Variants in PXDNL observed in about 807,000 individuals in gnomAD.
PXDNL encodes peroxidasin like.
Under a neutral mutation model 150.8 loss-of-function variants are expected in PXDNL, and 145 were observed. That is an observed-to-expected ratio of 0.96 (90% CI 0.84 to 1.10). The LOEUF is 1.10. PXDNL is among the 50% of genes least tolerant of loss of function. The pLI, the probability that PXDNL is intolerant of heterozygous loss-of-function variation, is 0.00. For missense variants in PXDNL, 2,087 were observed against 1,873.9 expected (o/e 1.11, Z -2.10); for synonymous variants, 757 against 725.7 (o/e 1.04, Z -0.69).
chr8:51,671,974 G>T (rs1284953133), intron 1 of PXDNL, among the ~76,000 whole-genome samples: 1 of 152,076 alleles, frequency 6.6e-6, no homozygotes, highest in Admixed American at 6.5e-5. Flanking sequence ...ATTAACTATT[G>T]CAAGTCAAAA....
intron 12 of PXDNL, among the ~76,000 whole-genome samples, chr8:51,427,614 C>T (rs1370719462): frequency 6.6e-6 from 1 of 152,104 alleles, no homozygotes; most frequent in East Asian, 1.9e-4. Context: ...TAAATGTAAT[C>T]CATCATATTA....
chr8:51,689,083 G>A (rs1416167438), intron 1 of PXDNL, among the ~76,000 whole-genome samples: 1 of 152,198 alleles, frequency 6.6e-6, no homozygotes. Context: ...CACTCCTGGG[G>A]CTGCCTGTAT....
At chr8:51,329,249 C>G (rs80015968) in intron 21 of PXDNL, among the ~76,000 whole-genome samples, 4,796 of 152,258 alleles carry the variant, frequency 0.031, 239 homozygotes, top group African/African-American at 0.11. Flanking sequence ...ACAGTGATTA[C>G]TGCTGAAGCA....
intron 1 of PXDNL, among the ~76,000 whole-genome samples, chr8:51,664,319 T>C (rs771563181): frequency 4.6e-5 from 7 of 152,188 alleles, no homozygotes; most frequent in Non-Finnish European, 8.8e-5. Context: ...TTGCTAACTT[T>C]GTCATTCTGG....
intron 16 of PXDNL, among the ~76,000 whole-genome samples, chr8:51,411,031 C>T: frequency 6.6e-6 from 1 of 152,192 alleles, no homozygotes; most frequent in South Asian, 2.1e-4. Context: ...ATACATATAA[C>T]TTAAAAGTTG....
intron 1 of PXDNL, among the ~76,000 whole-genome samples, chr8:51,661,807 T>TG (rs1815275916): frequency 1.3e-5 from 2 of 151,640 alleles, no homozygotes; most frequent in African/African-American, 2.4e-5. Flanking sequence ...CTGCAGTTAG[T>TG]GTGGGGCAGG....
intron 1 of PXDNL, among the ~76,000 whole-genome samples, chr8:51,702,942 T>G (rs1460567855): frequency 6.6e-6 from 1 of 152,206 alleles, no homozygotes; most frequent in Non-Finnish European, 1.5e-5. Context: ...TCTGAAAACT[T>G]GGGTAGATTC....
intron 2 of PXDNL, among the ~76,000 whole-genome samples, chr8:51,600,604 T>C (rs1813690565): frequency 8.0e-6 from 1 of 124,760 alleles, no homozygotes; most frequent in Non-Finnish European, 1.6e-5. Flanking sequence ...AATTATATCG[T>C]TTAGATAATA....
At chr8:51,558,799 C>A (rs1812650758) in intron 3 of PXDNL, among the ~76,000 whole-genome samples, 1 of 151,984 alleles carries the variant, frequency 6.6e-6, no homozygotes, top group South Asian at 2.1e-4. Flanking sequence ...ATGTTACTAC[C>A]TATATTCAAG....
intron 1 of PXDNL, among the ~76,000 whole-genome samples, chr8:51,687,425 C>T (rs190790546): frequency 4.6e-5 from 7 of 152,250 alleles, no homozygotes; most frequent in African/African-American, 7.2e-5. Context: ...GTATTATATA[C>T]GGTATATAGC....
chr8:51,639,135 G>C (rs963581617), intron 2 of PXDNL, among the ~76,000 whole-genome samples: 2 of 152,154 alleles, frequency 1.3e-5, no homozygotes, highest in African/African-American at 4.8e-5. Context: ...CAGAAATAAA[G>C]ATGTTCTTTG....
chr8:51,433,209 AAATAATAATAATAATAAT>A (rs71237206), intron 12 of PXDNL, among the ~76,000 whole-genome samples: 27 of 144,150 alleles, frequency 1.9e-4, no homozygotes, highest in Admixed American at 2.1e-4. Context: ...ACTCTATCTC[AAATAATAATAATAATAAT>A]AATAATAATA....
intron 1 of PXDNL, among the ~76,000 whole-genome samples, chr8:51,719,152 G>A (rs1385574720): frequency 1.3e-5 from 2 of 152,200 alleles, no homozygotes; most frequent in African/African-American, 2.4e-5. Context: ...GGTCTGGAAG[G>A]TGTACCCAAC....
chr8:51,518,274 G>A (rs1563447504), intron 4 of PXDNL, among the ~76,000 whole-genome samples: 1 of 152,168 alleles, frequency 6.6e-6, no homozygotes, highest in African/African-American at 2.4e-5. Context: ...AGCTCCATCT[G>A]GGCACATGTC....
At chr8:51,624,478 T>G (rs544889565) in intron 2 of PXDNL, among the ~76,000 whole-genome samples, 1 of 152,270 alleles carries the variant, frequency 6.6e-6, no homozygotes, top group East Asian at 1.9e-4. Flanking sequence ...TCATTTTATG[T>G]TGTACTGTAG....
intron 1 of PXDNL, among the ~76,000 whole-genome samples, chr8:51,771,444 A>G (rs2037291890): frequency 6.6e-6 from 1 of 152,236 alleles, no homozygotes; most frequent in Non-Finnish European, 1.5e-5. Context: ...TGTAATCCTC[A>G]CATGGCCCGC....
At chr8:51,800,832 T>C (rs2037611132) in intron 1 of PXDNL, among the ~76,000 whole-genome samples, 1 of 152,202 alleles carries the variant, frequency 6.6e-6, no homozygotes, top group Non-Finnish European at 1.5e-5. Flanking sequence ...GCTGAGGATG[T>C]ACATCACCTC....
intron 1 of PXDNL, among the ~76,000 whole-genome samples, chr8:51,720,191 T>TAAA (rs74313593): frequency 0.011 from 1,524 of 144,068 alleles, 24 homozygotes; most frequent in African/African-American, 0.032. Flanking sequence ...TATTCCCTCC[T>TAAA]AAAAAAAAAA....
rs1809743798 is a variant in PXDNL, at chr8:51,448,956, G to T, written c.1366+46C>A. On this transcript the variant is annotated intron_variant, in intron 11 of 22. Coordinates refer to ENST00000356297, the MANE Select transcript of PXDNL (RefSeq NM_144651.5). ...CTATTTTTTTTTACTATCCACAAAAGAAGGCACTTATTTTTCCCCACAATT... is the reference window on the plus strand; with the variant it reads ...CTATTTTTTTTTACTATCCACAAAATAAGGCACTTATTTTTCCCCACAATT... 3 of 945,672 alleles carry T rather than the reference G, an allele frequency of 3.2e-6. No homozygotes were observed. The South Asian group carries it at 4.2e-5, about 13-fold the overall frequency. 58.6% of individuals were successfully genotyped at this position (945,672 alleles called of 1,614,324 possible). A position where few individuals can be genotyped will look rare whatever the true frequency, so the allele number is the denominator to read the frequency against.
Sources: allele counts gnomAD v4.1 joint callset (sites outside exome capture counted in the v4.1 genomes callset), GRCh38; gene constraint gnomAD v4.1.1; transcripts MANE v1.5; gene names NCBI Gene and HGNC (gene_info 2026-07-23, HGNC 2026-07-21).